The following CAST variants were observed in gnomAD, a reference collection of about 807,000 sequenced individuals.
The protein encoded by CAST is calpastatin, also known as MIR583 host.
Under a neutral mutation model 119.6 loss-of-function variants are expected in CAST, and 76 were observed. The observed-to-expected ratio is 0.64, with a 90% CI of 0.53 to 0.77. The LOEUF is 0.77. CAST is among the 30% of genes least tolerant of loss of function. The probability of loss-of-function intolerance (pLI) is 0.00; values close to 1 mark genes in which losing one functional copy is unlikely to be tolerated. For missense variants in CAST, 953 were observed against 946.5 expected (o/e 1.01, Z -0.09); for synonymous variants, 319 against 331.6 (o/e 0.96, Z 0.41).
intron 25 of CAST, chr5:96,763,028 C>T: frequency 1.4e-6 from 1 of 710,248 alleles, no homozygotes; most frequent in Non-Finnish European, 2.6e-6. Context: ...CACAGCACAT[C>T]AAATTATAAA....
At chr5:96,626,880 A>G (rs1747734509) in intron 1 of CAST, among the ~76,000 whole-genome samples, 1 of 152,168 alleles carries the variant, frequency 6.6e-6, no homozygotes, top group Non-Finnish European at 1.5e-5. Context: ...GGTCTGGCAG[A>G]GTTTGACGGC....
At chr5:96,410,999 C>G in the CAST span, 2 of 1,582,656 alleles carry the variant, frequency 1.3e-6, no homozygotes, top group East Asian at 2.2e-5. Flanking sequence ...AAAGGAAAAG[C>G]CAGAATGCAT....
chr5:96,167,240 G>A, the CAST span, among the ~76,000 whole-genome samples: 1 of 152,200 alleles, frequency 6.6e-6, no homozygotes, highest in Non-Finnish European at 1.5e-5. Flanking sequence ...GTGCTGGTTT[G>A]GGGATAGCAC....
chr5:96,494,991 G>A, the CAST span, among the ~76,000 whole-genome samples: 2 of 151,734 alleles, frequency 1.3e-5, no homozygotes, highest in African/African-American at 4.8e-5. Context: ...GTTGGTGGGC[G>A]CCTGTAGTCT....
At chr5:96,302,819 CACA>C in the CAST span, among the ~76,000 whole-genome samples, 1 of 152,190 alleles carries the variant, frequency 6.6e-6, no homozygotes, top group African/African-American at 2.4e-5. Flanking sequence ...GCATTTTTGT[CACA>C]ACAAGTTAAC....
the CAST span, among the ~76,000 whole-genome samples, chr5:95,977,217 G>T: frequency 6.6e-6 from 1 of 152,324 alleles, no homozygotes; most frequent in East Asian, 1.9e-4. Context: ...AGTTGTGGAG[G>T]CTAGGAAGCA....
the CAST span, chr5:95,986,398 G>GAGAA: frequency 6.6e-6 from 1 of 152,136 alleles, no homozygotes; most frequent in Non-Finnish European, 1.5e-5. Flanking sequence ...TATCATATAA[G>GAGAA]AGAAAGAAAT....
the CAST span, among the ~76,000 whole-genome samples, chr5:96,037,136 T>C: frequency 6.6e-6 from 1 of 152,108 alleles, no homozygotes; most frequent in Non-Finnish European, 1.5e-5. Flanking sequence ...CTCCCGGAAA[T>C]GTACAGTGCA....
chr5:96,119,393 T>C, the CAST span, among the ~76,000 whole-genome samples: 1 of 152,092 alleles, frequency 6.6e-6, no homozygotes. Context: ...ATTAAAAAAA[T>C]CTGGAATCCC....
chr5:96,379,032 G>A, the CAST span, among the ~76,000 whole-genome samples: 6 of 152,032 alleles, frequency 3.9e-5, no homozygotes, highest in Admixed American at 6.6e-5. Context: ...TAATTGATTC[G>A]TGCATTCTGC....
At chr5:96,719,427 C>T (rs1757805572) in intron 3 of CAST, among the ~76,000 whole-genome samples, 1 of 152,220 alleles carries the variant, frequency 6.6e-6, no homozygotes, top group Admixed American at 6.5e-5. Context: ...TCCCGAGGTG[C>T]TGGGATTTCA....
At chr5:96,586,619 G>C (rs532804447) in intron 1 of CAST, among the ~76,000 whole-genome samples, 164 of 151,742 alleles carry the variant, frequency 1.1e-3, no homozygotes, top group African/African-American at 3.8e-3. Flanking sequence ...TGGAAATCTA[G>C]TAACCATTTG....
intron 1 of CAST, among the ~76,000 whole-genome samples, chr5:96,560,455 C>T (rs1294980999): frequency 2.6e-5 from 4 of 151,982 alleles, no homozygotes; most frequent in Non-Finnish European, 4.4e-5. Context: ...GCAATCTACT[C>T]ATCTGACAAA....
At position 96,611,508 on chromosome 5, in the gene CAST, A is replaced by G. The variant is rs1747361000; in HGVS notation, c.61-64031A>G. ...TAAGACCTCAAACTATTAAAATACTACAAGAAAGCCTACAAAAAATGTCTT... is the reference window on the plus strand; with the variant it reads ...TAAGACCTCAAACTATTAAAATACTGCAAGAAAGCCTACAAAAAATGTCTT... On this transcript the variant is annotated intron_variant, in intron 1 of 11. Coordinates refer to the CAST transcript ENST00000505143. Among the ~76,000 whole-genome samples, 3 of 152,194 alleles carry G rather than the reference A, an allele frequency of 2.0e-5. No individual in the cohort carries two copies. The South Asian group carries it at 6.2e-4, about 32-fold the overall frequency.
At chr5:96,440,035 A>T in the CAST span, among the ~76,000 whole-genome samples, 1 of 152,132 alleles carries the variant, frequency 6.6e-6, no homozygotes, top group East Asian at 1.9e-4. Context: ...CTGATACTGA[A>T]ACTCAGGAAA....
intron 3 of CAST, among the ~76,000 whole-genome samples, chr5:96,697,662 T>A (rs1264548917): frequency 6.6e-6 from 1 of 152,250 alleles, no homozygotes; most frequent in Non-Finnish European, 1.5e-5. Flanking sequence ...CACCACAGCA[T>A]TCACTGATGG....
chr5:96,360,023 T>G, the CAST span, among the ~76,000 whole-genome samples: 1 of 152,096 alleles, frequency 6.6e-6, no homozygotes, highest in Non-Finnish European at 1.5e-5. Context: ...TTGGAGGCTT[T>G]GTTCATTCCT....
chr5:96,110,345 G>A, the CAST span, among the ~76,000 whole-genome samples: 1 of 152,152 alleles, frequency 6.6e-6, no homozygotes, highest in Non-Finnish European at 1.5e-5. Context: ...AAGAAATATA[G>A]TTTCAAAATC....
intron 31 of CAST, chr5:96,772,134 G>C (rs983401077): frequency 6.5e-6 from 1 of 154,176 alleles, no homozygotes; most frequent in African/African-American, 2.4e-5. Flanking sequence ...AGAGTCTGGT[G>C]GAAATTACAG....
Sources: gnomAD v4.1 joint callset for allele counts (sites outside exome capture counted in the v4.1 genomes callset) on GRCh38, gnomAD v4.1.1 for gene constraint, MANE v1.5 for transcripts, NCBI Gene and HGNC (gene_info 2026-07-23, HGNC 2026-07-21) for gene names.